The following CCDC69 variants were observed in gnomAD, a reference collection of about 807,000 sequenced individuals.
CCDC69 encodes coiled-coil domain-containing protein 69.
In CCDC69, 38 loss-of-function variants were observed where a neutral mutation model predicts 40.3. The observed-to-expected ratio is 0.94, with a 90% CI of 0.73 to 1.24. CCDC69 has a LOEUF of 1.24. CCDC69 is among the 50% of genes most tolerant of loss of function. CCDC69 has a pLI of 0.00. For synonymous variants in CCDC69, 141 were observed against 138.9 expected (o/e 1.02, Z -0.11); for missense variants, 389 against 357.9 (o/e 1.09, Z -0.70).
chr5:151,202,741 G>C (rs1401177772), intron 2 of CCDC69, among the ~76,000 whole-genome samples: 1 of 152,180 alleles, frequency 6.6e-6, no homozygotes, highest in Non-Finnish European at 1.5e-5. Flanking sequence ...TCTAGCCCCT[G>C]CTTCGGGAAA....
intron 1 of CCDC69, among the ~76,000 whole-genome samples, chr5:151,214,364 G>A (rs1161269220): frequency 1.3e-5 from 2 of 152,174 alleles, no homozygotes; most frequent in African/African-American, 2.4e-5. Flanking sequence ...GGGCCTTCGG[G>A]GAGGAAGGGC....
intron 4 of CCDC69, among the ~76,000 whole-genome samples, chr5:151,193,113 G>T (rs76910269): frequency 0.12 from 18,538 of 152,070 alleles, 1,283 homozygotes; most frequent in Middle Eastern, 0.19. Flanking sequence ...TGGAGCATTT[G>T]CAGATTTTGG....
chr5:151,187,558 C>A (rs2113985399), intron 4 of CCDC69, 99 bp from the exon 5 acceptor site: 1 of 907,698 alleles, frequency 1.1e-6, no homozygotes, highest in Non-Finnish European at 1.8e-6. Context: ...TTAACTGGGG[C>A]CCATAGAGGC....
chr5:151,224,089 A>G lies in CCDC69; in HGVS notation c.-119T>C. Reference sequence around the variant, plus strand: ...GCTGGGGCTGCCGGCGAGACCCTGAAACTGAACCTGGAAGCGCTGTCTTGA... The same window carrying G: ...GCTGGGGCTGCCGGCGAGACCCTGAGACTGAACCTGGAAGCGCTGTCTTGA... On this transcript the variant is annotated 5_prime_UTR_variant, in exon 1 of 9. Coordinates refer to ENST00000355417, the MANE Select transcript of CCDC69 (RefSeq NM_015621.3). 1 of 877,720 alleles carries G rather than the reference A, an allele frequency of 1.1e-6. No homozygotes were observed. The highest frequency in any genetic ancestry group is 1.6e-6 in the Non-Finnish European group (1 of 607,920). The allele number at this position is 877,720 out of a possible 1,614,324, so 54.4% of individuals were successfully genotyped here.
chr5:151,198,005 A>G (rs2113991562), intron 4 of CCDC69, among the ~76,000 whole-genome samples: 1 of 152,350 alleles, frequency 6.6e-6, no homozygotes, highest in East Asian at 1.9e-4. Flanking sequence ...TATTCTATGT[A>G]TATTACAGAA....
intron 8 of CCDC69, among the ~76,000 whole-genome samples, chr5:151,183,817 G>A (rs1187669749): frequency 1.3e-5 from 2 of 152,224 alleles, no homozygotes; most frequent in African/African-American, 4.8e-5. Context: ...GCAGTTCTGA[G>A]CTGCTTCAAA....
chr5:151,204,180 G>A (rs912005179), intron 2 of CCDC69, among the ~76,000 whole-genome samples: 12 of 151,740 alleles, frequency 7.9e-5, no homozygotes, highest in African/African-American at 2.2e-4. Context: ...CAGGCACACC[G>A]CCACTCCAGG....
At chr5:151,197,798 T>C (rs370274785) in intron 4 of CCDC69, among the ~76,000 whole-genome samples, 28 of 152,310 alleles carry the variant, frequency 1.8e-4, no homozygotes, top group African/African-American at 5.8e-4. Flanking sequence ...ATTGCTGTTA[T>C]AGACAATGAG....
At chr5:151,220,575 G>A (rs1038349523) in intron 1 of CCDC69, among the ~76,000 whole-genome samples, 4 of 152,184 alleles carry the variant, frequency 2.6e-5, no homozygotes, top group African/African-American at 7.2e-5. Context: ...CTACATGGAT[G>A]TGCTCATGAA....
intron 4 of CCDC69, among the ~76,000 whole-genome samples, chr5:151,198,641 A>G (rs1752734733): frequency 6.6e-6 from 1 of 152,244 alleles, no homozygotes; most frequent in Non-Finnish European, 1.5e-5. Context: ...TAATCAATCT[A>G]ACAATAAATA....
rs766851207 is a variant in CCDC69, at chr5:151,183,035, A to C, written c.*402T>G. On this transcript the variant is annotated 3_prime_UTR_variant, in exon 9 of 9. Coordinates refer to ENST00000355417, the MANE Select transcript of CCDC69 (RefSeq NM_015621.3). The stretch of plus-strand genomic sequence containing the variant: ...AGGCCAGGGTGGAGTGGAAACACCT[A>C]GAGGAAGTTGATAAGTCAGCAAGTC... 8 of 463,184 alleles carry C rather than the reference A, an allele frequency of 1.7e-5. No homozygotes were observed. The highest frequency in any genetic ancestry group is 7.7e-5 in the South Asian group (5 of 64,616). The allele number at this position is 463,184 out of a possible 1,614,324, so 28.7% of individuals were successfully genotyped here.
At chr5:151,189,852 T>G (rs1752582402) in intron 4 of CCDC69, among the ~76,000 whole-genome samples, 1 of 152,232 alleles carries the variant, frequency 6.6e-6, no homozygotes, top group Non-Finnish European at 1.5e-5. Context: ...AATGTTGATG[T>G]TCATAATGTT....
At chr5:151,223,723 C>A (rs1439521802) in intron 1 of CCDC69, among the ~76,000 whole-genome samples, 200 bp downstream of exon 1, 5 of 152,210 alleles carry the variant, frequency 3.3e-5, no homozygotes, top group Admixed American at 2.6e-4. Flanking sequence ...TTTGTAAACT[C>A]GGCTGCTTGG....
chr5:151,218,587 C>T (rs1561606128), intron 1 of CCDC69, among the ~76,000 whole-genome samples: 3 of 152,226 alleles, frequency 2.0e-5, no homozygotes, highest in Non-Finnish European at 4.4e-5. Context: ...AGGTCTCAGA[C>T]TTCTGTTCAC....
At chr5:151,187,239 G>C (rs951732748) in intron 5 of CCDC69, 147 bp downstream of exon 5, 5 of 637,924 alleles carry the variant, frequency 7.8e-6, no homozygotes, top group Non-Finnish European at 1.4e-5. Flanking sequence ...ACTACATCAA[G>C]GGGCCTGGAT....
intron 4 of CCDC69, 124 bp downstream of exon 4, chr5:151,198,873 G>A (rs1482041078): frequency 1.3e-6 from 1 of 754,166 alleles, no homozygotes; most frequent in Admixed American, 1.9e-5. Flanking sequence ...GTAGATTTGA[G>A]TCAATTGCTT....
intron 4 of CCDC69, among the ~76,000 whole-genome samples, chr5:151,198,449 A>C (rs751274357): frequency 1.3e-5 from 2 of 152,176 alleles, no homozygotes; most frequent in Non-Finnish European, 2.9e-5. Flanking sequence ...TCCTGGGCTC[A>C]AGCAATCTAT....
intron 5 of CCDC69, among the ~76,000 whole-genome samples, chr5:151,187,143 G>A (rs1303023644): frequency 6.6e-6 from 1 of 152,116 alleles, no homozygotes; most frequent in Non-Finnish European, 1.5e-5. Context: ...CTTGGCCCAT[G>A]CCTCTCCAAG....
intron 2 of CCDC69, among the ~76,000 whole-genome samples, chr5:151,205,181 G>A (rs1049173451): frequency 3.3e-5 from 5 of 152,022 alleles, no homozygotes; most frequent in Non-Finnish European, 7.4e-5. Context: ...GTATTTTCCA[G>A]AAACATATAT....
Sources: gnomAD v4.1 joint callset for allele counts (sites outside exome capture counted in the v4.1 genomes callset) on GRCh38, gnomAD v4.1.1 for gene constraint, MANE v1.5 for transcripts, NCBI Gene and HGNC (gene_info 2026-07-23, HGNC 2026-07-21) for gene names.